The following ZNF469 variants were observed in gnomAD, a reference collection of about 807,000 sequenced individuals.
ZNF469 encodes zinc finger protein 469.
In ZNF469, 1 loss-of-function variant was observed where a neutral mutation model predicts 1.0. The observed-to-expected ratio is 1.00, with a 90% CI of 0.35 to 4.73. ZNF469 has a LOEUF of 4.73. ZNF469 is among the 30% of genes most tolerant of loss of function. The probability of loss-of-function intolerance (pLI) is 0.16; values close to 1 mark genes in which losing one functional copy is unlikely to be tolerated. For missense variants in ZNF469, 6,100 were observed against 5,356.3 expected (o/e 1.14, Z -4.33); for synonymous variants, 2,703 against 2,363.4 (o/e 1.14, Z -4.17).
chr16:88,439,238 G>A lies in ZNF469; in HGVS notation c.11768G>A (p.Arg3923Gln), dbSNP rs281165935. 55 of 1,550,486 alleles carry A rather than the reference G, an allele frequency of 3.5e-5. No homozygotes were observed. Among genetic ancestry groups the A allele is most frequent in the East Asian group, 1.7e-4 (7 of 40,918 alleles). The change falls in exon 3 of 3, where the codon CGG becomes CAG. Residue 3923 changes from arginine (R) to glutamine (Q), a missense_variant. Arg to Gln is a conservative substitution (Grantham distance 43, BLOSUM62 1). Transcript: ENST00000565624. ...GAACCTGCCGAGCCACACACCCACCGGACGGCCGAGGCCCAGAGTGACCTC... is the reference window on the plus strand; with the variant it reads ...GAACCTGCCGAGCCACACACCCACCAGACGGCCGAGGCCCAGAGTGACCTC... ...GAEPAEPHTH[R>Q]TAEAQSDLLS...
chr16:88,124,236 A>T, the ZNF469 span, among the ~76,000 whole-genome samples: 5 of 151,858 alleles, frequency 3.3e-5, no homozygotes, highest in Admixed American at 6.6e-5. Flanking sequence ...TTTTATTTTT[A>T]TTTTATTTAT....
intron 1 of ZNF469, among the ~76,000 whole-genome samples, chr16:88,387,528 G>C (rs1220944817): frequency 6.6e-6 from 1 of 152,240 alleles, no homozygotes; most frequent in African/African-American, 2.4e-5. Flanking sequence ...ACAACGCTGG[G>C]GGCGGCTTGG....
chr16:88,388,081 G>A (rs1439074768), intron 1 of ZNF469, among the ~76,000 whole-genome samples: 1 of 152,264 alleles, frequency 6.6e-6, no homozygotes. Flanking sequence ...CAGAGTGGCT[G>A]CAGAGGGGCT....
At chr16:88,218,241 T>C in the ZNF469 span, among the ~76,000 whole-genome samples, 5 of 149,490 alleles carry the variant, frequency 3.3e-5, no homozygotes, top group Non-Finnish European at 7.4e-5. Context: ...AAATGTCTTC[T>C]TTTGAGAAGT....
the ZNF469 span, chr16:88,194,162 T>G: frequency 6.6e-6 from 1 of 152,166 alleles, no homozygotes; most frequent in African/African-American, 2.4e-5. Context: ...ATCATCCTCT[T>G]CCTACAGACG....
chr16:88,325,184 C>CCGGCACA, the ZNF469 span, among the ~76,000 whole-genome samples: 3 of 109,386 alleles, frequency 2.7e-5, no homozygotes, highest in African/African-American at 1.4e-4. Context: ...CAAGTCCTCA[C>CCGGCACA]CTGCACACTC....
the ZNF469 span, among the ~76,000 whole-genome samples, chr16:88,126,717 G>A: frequency 4.6e-5 from 7 of 151,738 alleles, no homozygotes; most frequent in Admixed American, 4.6e-4. Context: ...GCAGTGGCTC[G>A]ATCTCGGCTC....
the ZNF469 span, among the ~76,000 whole-genome samples, chr16:88,358,000 C>G: frequency 6.6e-6 from 1 of 152,248 alleles, no homozygotes; most frequent in Non-Finnish European, 1.5e-5. Flanking sequence ...TGGGAAGAAA[C>G]TGAGGCACAG....
intron 1 of ZNF469, among the ~76,000 whole-genome samples, chr16:88,392,877 C>T (rs913384350): frequency 6.6e-6 from 1 of 152,242 alleles, no homozygotes; most frequent in Non-Finnish European, 1.5e-5. Flanking sequence ...CTCCCTTGCT[C>T]CTTGTAGATC....
At chr16:88,218,253 T>A in the ZNF469 span, among the ~76,000 whole-genome samples, 1 of 149,748 alleles carries the variant, frequency 6.7e-6, no homozygotes, top group African/African-American at 2.5e-5. Flanking sequence ...TTGAGAAGTG[T>A]CTGTTCATGT....
the ZNF469 span, among the ~76,000 whole-genome samples, chr16:88,316,080 G>A: frequency 1.3e-5 from 2 of 152,208 alleles, no homozygotes; most frequent in African/African-American, 2.4e-5. Context: ...CCACAGCCCC[G>A]GGTGGGCAGA....
chr16:88,116,360 C>T, the ZNF469 span, among the ~76,000 whole-genome samples: 5 of 152,062 alleles, frequency 3.3e-5, no homozygotes, highest in South Asian at 2.1e-4. Context: ...CCAGCGATGC[C>T]GCAATGCCGC....
the ZNF469 span, among the ~76,000 whole-genome samples, chr16:88,344,014 G>C: frequency 6.6e-6 from 1 of 151,590 alleles, no homozygotes; most frequent in Non-Finnish European, 1.5e-5. Context: ...GATCAGATGG[G>C]CACTTCACCC....
chr16:88,174,891 A>G, the ZNF469 span, among the ~76,000 whole-genome samples: 2 of 152,128 alleles, frequency 1.3e-5, no homozygotes, highest in Admixed American at 6.5e-5. Flanking sequence ...CAGATTTCCA[A>G]TTGTGCAAAC....
the ZNF469 span, among the ~76,000 whole-genome samples, chr16:88,370,353 C>T: frequency 3.2e-3 from 482 of 152,268 alleles, 6 homozygotes; most frequent in African/African-American, 0.011. Context: ...GCGGGCTCCA[C>T]CTCATGGTGG....
chr16:88,431,200 G>A lies in ZNF469; in HGVS notation c.3730G>A (p.Ala1244Thr). Reference protein sequence around the residue: ...SAPDSTEFTEALRSPPAACAG... With the variant: ...SAPDSTEFTETLRSPPAACAG... ...CCCGGACAGCACAGAATTCACAGAG[G>A]CTTTGCGTTCTCCTCCAGCCGCCTG... The change falls in exon 3 of 3, where the codon GCT (alanine) becomes ACT (threonine). Residue 1244 changes from alanine (A) to threonine (T), a missense_variant. Physicochemically the swap from Ala to Thr is moderately conservative, Grantham distance 58. Coordinates refer to ENST00000565624, the MANE Select transcript of ZNF469 (RefSeq NM_001367624.2). The A allele has an allele frequency of 6.4e-7, 1 of 1,550,394 alleles. No individual in the cohort carries two copies. Among genetic ancestry groups the A allele is most frequent in the South Asian group, 1.2e-5 (1 of 84,064 alleles).
chr16:88,263,251 G>A, the ZNF469 span, among the ~76,000 whole-genome samples: 2 of 152,192 alleles, frequency 1.3e-5, no homozygotes, highest in African/African-American at 2.4e-5. Context: ...CCAGTTGTTG[G>A]GCCTCTGGGG....
chr16:88,272,003 G>C, the ZNF469 span, among the ~76,000 whole-genome samples: 1 of 152,230 alleles, frequency 6.6e-6, no homozygotes, highest in South Asian at 2.1e-4. Context: ...TAGTTGAATG[G>C]GTGGACAGAC....
At chr16:88,213,112 T>C in the ZNF469 span, among the ~76,000 whole-genome samples, 963 of 152,140 alleles carry the variant, frequency 6.3e-3, 13 homozygotes, top group African/African-American at 0.022. Flanking sequence ...CTTTTTTTTT[T>C]CTTTGAGATG....
Sources: allele counts gnomAD v4.1 joint callset (sites outside exome capture counted in the v4.1 genomes callset), GRCh38; gene constraint gnomAD v4.1.1; transcripts MANE v1.5; gene names NCBI Gene and HGNC (gene_info 2026-07-23, HGNC 2026-07-21).